Variants in PIGN observed in about 807,000 individuals in gnomAD.
The protein encoded by PIGN is GPI ethanolamine phosphate transferase 1.
In PIGN, 117 loss-of-function variants were observed where a neutral mutation model predicts 125.4. That is an observed-to-expected ratio of 0.93 (90% CI 0.80 to 1.09). The LOEUF is 1.09. Among genes scored for constraint, PIGN ranks in the 50% least tolerant of loss-of-function variants. PIGN has a pLI of 0.00. For missense variants in PIGN, 1,075 were observed against 1,094.9 expected, an observed-to-expected ratio of 0.98 and a Z score of 0.26; for synonymous variants, 392 against 377.8, an observed-to-expected ratio of 1.04 and a Z score of -0.44.
chr18:62,105,325 C>T (rs1487966813), intron 20 of PIGN: 1 of 317,734 alleles, frequency 3.1e-6, no homozygotes, highest in Non-Finnish European at 5.9e-6. Context: ...ATCAGTGGCA[C>T]AATTTCATTA....
chr18:62,089,973 C>T (rs1195765796), intron 24 of PIGN, among the ~76,000 whole-genome samples: 1 of 152,070 alleles, frequency 6.6e-6, no homozygotes, highest in Non-Finnish European at 1.5e-5. Context: ...GTTGCATACA[C>T]AATCTAAGAT....
rs398033140 is a variant in PIGN at position 62,096,516 on chromosome 18, C to CTTTTTTTT, written c.2078-574_2078-567dup. Among the ~76,000 whole-genome samples the CTTTTTTTT allele has an allele frequency of 2.5e-3, 210 of 85,642 alleles. 5 individuals are homozygous for CTTTTTTTT. The highest frequency in any genetic ancestry group is 5.1e-3 in the African/African-American group (94 of 18,378). The allele number at this position is 85,642 out of a possible 152,430, so 56.2% of individuals were successfully genotyped here. A position where few individuals can be genotyped will look rare whatever the true frequency, so the allele number is the denominator to read the frequency against. ...TATTAACTCAAAAATGAATTATTTT[C>CTTTTTTTT]TTTTTTTTTTTTTTTTTTTTTTTTT... is the stretch of plus-strand genomic sequence containing the variant. On this transcript the variant is annotated intron_variant, in intron 22 of 30. Coordinates refer to ENST00000640252, the MANE Select transcript of PIGN (RefSeq NM_176787.5).
At chr18:62,156,885 G>A (rs987545862) in intron 6 of PIGN, among the ~76,000 whole-genome samples, 3 of 152,054 alleles carry the variant, frequency 2.0e-5, no homozygotes, top group Admixed American at 6.6e-5. Flanking sequence ...GCTGTTAAGC[G>A]ATAGTGCTAT....
At chr18:62,128,901 C>T (rs1235786097) in intron 14 of PIGN, among the ~76,000 whole-genome samples, 1 of 152,034 alleles carries the variant, frequency 6.6e-6, no homozygotes, top group African/African-American at 2.4e-5. Context: ...AATAAGAAGT[C>T]ATCATAAAGA....
intron 25 of PIGN, among the ~76,000 whole-genome samples, chr18:62,087,138 TA>T (rs2033746104): frequency 6.6e-6 from 1 of 152,024 alleles, no homozygotes; most frequent in Non-Finnish European, 1.5e-5. Context: ...AAATATGGCA[TA>T]AACCAGGCAC....
rs1175978003 is a variant in PIGN at position 62,045,601 on chromosome 18, G to A, written c.*255C>T. The A allele has an allele frequency of 1.0e-5, 3 of 294,394 alleles. No individual in the cohort carries two copies. Among genetic ancestry groups the A allele is most frequent in the South Asian group, 4.9e-5 (1 of 20,512 alleles). 18.2% of individuals were successfully genotyped at this position (294,394 alleles called of 1,614,324 possible). On this transcript the variant is annotated 3_prime_UTR_variant, in exon 31 of 31. Coordinates refer to ENST00000640252, the MANE Select transcript of PIGN (RefSeq NM_176787.5). ...CACTGGGAAGAGCTGCCAGCCAAAG[G>A]AAAAAAATGAAAAAGGAGAATGCCT...
intron 15 of PIGN, among the ~76,000 whole-genome samples, chr18:62,114,090 G>A (rs137946257): frequency 0.062 from 9,415 of 152,174 alleles, 511 homozygotes; most frequent in African/African-American, 0.14. Context: ...GGCCGGGTGC[G>A]GTGGCTCATG....
chr18:62,123,225 G>A (rs188423962), intron 14 of PIGN, among the ~76,000 whole-genome samples: 44 of 152,172 alleles, frequency 2.9e-4, no homozygotes, highest in Admixed American at 2.3e-3. Context: ...GGGCAACAGC[G>A]TAAGACCCTC....
chr18:62,046,014 G>T (rs543928439), intron 30 of PIGN, 35 bp from the exon 31 acceptor site: 1 of 1,597,270 alleles, frequency 6.3e-7, no homozygotes, highest in Non-Finnish European at 8.5e-7. Flanking sequence ...CAGGCAGAGA[G>T]AACACAGGTG....
chr18:62,074,688 T>C, intron 29 of PIGN, 91 bp downstream of exon 29: 1 of 766,690 alleles, frequency 1.3e-6, no homozygotes. Context: ...ATCTAAAGAT[T>C]TCACGTACCA....
chr18:62,086,578 T>A (rs902406131), intron 25 of PIGN, among the ~76,000 whole-genome samples: 2 of 151,382 alleles, frequency 1.3e-5, no homozygotes, highest in East Asian at 1.9e-4. Context: ...GATTGTGCCA[T>A]TGCACTCCAG....
chr18:62,074,157 C>A (rs75842599), intron 29 of PIGN, among the ~76,000 whole-genome samples: 6,870 of 152,298 alleles, frequency 0.045, 209 homozygotes, highest in Non-Finnish European at 0.069. Context: ...GTGTCCTGGA[C>A]TCTGCCCTAT....
At chr18:62,098,396 G>A (rs941074191) in intron 22 of PIGN, among the ~76,000 whole-genome samples, 1 of 152,104 alleles carries the variant, frequency 6.6e-6, no homozygotes, top group Non-Finnish European at 1.5e-5. Context: ...TTAAAAGTCA[G>A]TTAATCTGTT....
In PIGN at chr18:62,125,267, A is replaced by AAATAT. The variant is rs1568203478; in HGVS notation, c.1173-10629_1173-10628insATATT. ...ATACACGTTTGTATATATGTGTATA[A>AAATAT]ACACACACACACACACGAATTTTTA... is the stretch of plus-strand genomic sequence containing the variant. On this transcript the variant is annotated intron_variant, in intron 14 of 30. Coordinates refer to ENST00000640252, the MANE Select transcript of PIGN (RefSeq NM_176787.5). Among the ~76,000 whole-genome samples the AAATAT allele has an allele frequency of 7.1e-4, 104 of 146,000 alleles. 2 individuals carry two copies. The highest frequency in any genetic ancestry group is 4.6e-3 in the East Asian group (22 of 4,824).
At chr18:62,125,573 T>C (rs998772020) in intron 14 of PIGN, among the ~76,000 whole-genome samples, 1 of 152,066 alleles carries the variant, frequency 6.6e-6, no homozygotes, top group Non-Finnish European at 1.5e-5. Flanking sequence ...AGATTTTAAA[T>C]ACTTTAAGGT....
At chr18:62,144,661 A>G (rs980990290) in intron 10 of PIGN, among the ~76,000 whole-genome samples, 2 of 152,202 alleles carry the variant, frequency 1.3e-5, no homozygotes, top group Non-Finnish European at 2.9e-5. Context: ...TATAAAATGT[A>G]TCCTGCTCCA....
chr18:62,168,184 C>CAA (rs544274448), intron 1 of PIGN, among the ~76,000 whole-genome samples: 1 of 141,190 alleles, frequency 7.1e-6, no homozygotes. Context: ...AACTCTGTCT[C>CAA]AAAAAAAAAA....
At chr18:62,161,520 T>C in intron 3 of PIGN, 135 bp from the exon 4 acceptor site, 1 of 536,660 alleles carries the variant, frequency 1.9e-6, no homozygotes, top group East Asian at 2.9e-5. Flanking sequence ...CTTTCATTTG[T>C]GGTGGTAACA....
intron 22 of PIGN, among the ~76,000 whole-genome samples, chr18:62,099,739 G>T (rs2034361679): frequency 6.6e-6 from 1 of 152,060 alleles, no homozygotes. Flanking sequence ...AATAAACGGT[G>T]CTAGGAAAAT....
Sources: allele counts gnomAD v4.1 joint callset (sites outside exome capture counted in the v4.1 genomes callset), GRCh38; gene constraint gnomAD v4.1.1; transcripts MANE v1.5; gene names NCBI Gene and HGNC (gene_info 2026-07-23, HGNC 2026-07-21).